Variants in CDH12 observed in about 807,000 individuals in gnomAD.
CDH12 encodes cadherin 12.
In CDH12, 41 loss-of-function variants were observed where a neutral mutation model predicts 74.1. The observed-to-expected ratio is 0.55, with a 90% confidence interval of 0.43 to 0.72. CDH12 has a LOEUF of 0.72. Ranked by LOEUF, CDH12 falls within the 30% of genes least tolerant of loss-of-function variation. The pLI is 0.00. For missense variants in CDH12, 945 were observed against 977.2 expected (o/e 0.97, Z 0.44); for synonymous variants, 399 against 355.0 (o/e 1.12, Z -1.39).
intron 3 of CDH12, among the ~76,000 whole-genome samples, chr5:22,315,373 T>G (rs1371975568): frequency 6.6e-6 from 1 of 151,956 alleles, no homozygotes; most frequent in African/African-American, 2.4e-5. Context: ...CTAGATTTTG[T>G]GACGATGAGT....
At chr5:22,477,655 C>T (rs1043481663) in intron 2 of CDH12, among the ~76,000 whole-genome samples, 1 of 152,110 alleles carries the variant, frequency 6.6e-6, no homozygotes, top group Non-Finnish European at 1.5e-5. Flanking sequence ...TTTGAGGAGC[C>T]ACTACAGTGT....
chr5:22,322,658 A>T (rs1738934645), intron 3 of CDH12, among the ~76,000 whole-genome samples: 1 of 152,190 alleles, frequency 6.6e-6, no homozygotes, highest in Non-Finnish European at 1.5e-5. Context: ...CTTTCTAAAT[A>T]ATTTGAAATC....
intron 5 of CDH12, among the ~76,000 whole-genome samples, chr5:22,011,627 T>A (rs1275975074): frequency 2.0e-5 from 3 of 152,318 alleles, no homozygotes; most frequent in African/African-American, 4.8e-5. Context: ...CTTTGTATAC[T>A]AACTTAGTCC....
chr5:22,603,444 C>T (rs191236432), intron 1 of CDH12, among the ~76,000 whole-genome samples: 29 of 152,254 alleles, frequency 1.9e-4, no homozygotes, highest in African/African-American at 6.7e-4. Flanking sequence ...AGAGTGGTAG[C>T]ATACAGCCAT....
intron 11 of CDH12, among the ~76,000 whole-genome samples, chr5:21,782,004 A>G (rs1745943698): frequency 6.6e-6 from 1 of 152,198 alleles, no homozygotes; most frequent in South Asian, 2.1e-4. Flanking sequence ...GTGGGTAAGA[A>G]TTTGGGCAGG....
At chr5:21,829,511 T>G (rs941288201) in intron 8 of CDH12, among the ~76,000 whole-genome samples, 6 of 152,234 alleles carry the variant, frequency 3.9e-5, no homozygotes, top group Non-Finnish European at 8.8e-5. Flanking sequence ...AAAATATATT[T>G]CTTATGTACC....
rs1281837987 is a variant in CDH12, at chr5:21,802,490, T to C, written c.1003-70A>G. 10 of 1,302,202 alleles carry C rather than the reference T, an allele frequency of 7.7e-6. No individual in the cohort carries two copies. In the East Asian group the frequency reaches 2.1e-4, roughly 27 times the overall value. 80.7% of individuals were successfully genotyped at this position (1,302,202 alleles called of 1,614,324 possible). On this transcript the variant is annotated intron_variant, in intron 9 of 14. Coordinates refer to ENST00000382254, the MANE Select transcript of CDH12 (RefSeq NM_004061.5). ...ATGTGGCAGAAATGGTGAACATTAC[T>C]TCAGAGCAATTTGCAAGTTATTATC...
At chr5:22,834,620 C>A (rs1181295583) in intron 1 of CDH12, among the ~76,000 whole-genome samples, 1 of 152,090 alleles carries the variant, frequency 6.6e-6, no homozygotes, top group Non-Finnish European at 1.5e-5. Flanking sequence ...ATCACACACT[C>A]AGGAGATCAA....
intron 6 of CDH12, among the ~76,000 whole-genome samples, chr5:21,916,251 G>C: frequency 6.6e-6 from 1 of 152,028 alleles, no homozygotes; most frequent in South Asian, 2.1e-4. Flanking sequence ...AACTATCTTT[G>C]TCTCCCATAA....
chr5:22,704,356 A>G (rs1159531299), intron 1 of CDH12, among the ~76,000 whole-genome samples: 1 of 152,084 alleles, frequency 6.6e-6, no homozygotes. Context: ...CTTGTAGTAA[A>G]ACCCATTTGC....
chr5:22,487,053 G>T (rs62350336), intron 2 of CDH12, among the ~76,000 whole-genome samples: 52,102 of 129,702 alleles, frequency 0.4, 9,416 homozygotes, highest in Admixed American at 0.55. Flanking sequence ...CTTTTTTTGT[G>T]TGTGTGTGGC....
At chr5:21,961,155 T>C (rs1159306962) in intron 6 of CDH12, among the ~76,000 whole-genome samples, 1 of 152,190 alleles carries the variant, frequency 6.6e-6, no homozygotes, top group Non-Finnish European at 1.5e-5. Flanking sequence ...CAACTATGAC[T>C]GAAAGTCTTT....
chr5:22,298,017 C>T (rs1737704930), intron 3 of CDH12, among the ~76,000 whole-genome samples: 1 of 151,576 alleles, frequency 6.6e-6, no homozygotes, highest in Non-Finnish European at 1.5e-5. Flanking sequence ...CTTTTAATAG[C>T]ATTTAGTGTT....
At chr5:21,911,695 C>A (rs1192977630) in intron 6 of CDH12, among the ~76,000 whole-genome samples, 1 of 151,998 alleles carries the variant, frequency 6.6e-6, no homozygotes. Context: ...AATTGTATTT[C>A]TTGAGGAATA....
chr5:22,512,450 G>A lies in CDH12; in HGVS notation c.-522-7086C>T, dbSNP rs571075092. On this transcript the variant is annotated intron_variant, in intron 1 of 14. Coordinates refer to ENST00000382254, the MANE Select transcript of CDH12 (RefSeq NM_004061.5). ...GCTGAGAGACATGTCAAAAAAATCAGGTAGTAGTTGTGCTTCAACAAGACC... is the reference window on the plus strand; with the variant it reads ...GCTGAGAGACATGTCAAAAAAATCAAGTAGTAGTTGTGCTTCAACAAGACC... Among the ~76,000 whole-genome samples the A allele has an allele frequency of 3.3e-5, 5 of 152,214 alleles. No homozygotes were observed. In the South Asian group the frequency reaches 1.0e-3, roughly 32 times the overall value.
At chr5:22,596,836 T>C (rs1220889426) in intron 1 of CDH12, among the ~76,000 whole-genome samples, 1 of 152,204 alleles carries the variant, frequency 6.6e-6, no homozygotes, top group Non-Finnish European at 1.5e-5. Context: ...GTAATTTATA[T>C]ATATCTTCCA....
At chr5:22,256,208 T>C (rs774402633) in intron 3 of CDH12, among the ~76,000 whole-genome samples, 1 of 152,144 alleles carries the variant, frequency 6.6e-6, no homozygotes, top group Non-Finnish European at 1.5e-5. Context: ...ACTTTAACCA[T>C]TGCAAAGTGT....
chr5:22,191,828 T>C (rs1156886257), intron 4 of CDH12, among the ~76,000 whole-genome samples: 1 of 152,064 alleles, frequency 6.6e-6, no homozygotes, highest in African/African-American at 2.4e-5. Context: ...CCTCCCAAAG[T>C]GCTGGGATTA....
intron 5 of CDH12, among the ~76,000 whole-genome samples, chr5:22,071,583 A>T (rs915775727): frequency 2.0e-5 from 3 of 151,952 alleles, no homozygotes; most frequent in East Asian, 1.9e-4. Flanking sequence ...GATCTATCTA[A>T]TTTTTTTCAT....
Sources: allele counts gnomAD v4.1 joint callset (sites outside exome capture counted in the v4.1 genomes callset), GRCh38; gene constraint gnomAD v4.1.1; transcripts MANE v1.5; gene names NCBI Gene and HGNC (gene_info 2026-07-23, HGNC 2026-07-21).